The following FARS2 variants were observed in gnomAD, a reference collection of about 807,000 sequenced individuals.
FARS2 encodes phenylalanyl-tRNA synthetase 2, mitochondrial.
Under a neutral mutation model 46.4 loss-of-function variants are expected in FARS2, and 40 were observed. The ratio of observed to expected loss-of-function variants is 0.86; its 90% CI spans 0.67 to 1.12. The LOEUF (loss-of-function observed/expected upper bound fraction) is 1.12. Among genes scored for constraint, FARS2 ranks in the 50% most tolerant of loss-of-function variants. The pLI, the probability that FARS2 is intolerant of heterozygous loss-of-function variation, is 0.00. For missense variants in FARS2, 513 were observed against 567.9 expected (o/e 0.90, Z 0.98); for synonymous variants, 234 against 214.9 (o/e 1.09, Z -0.78).
intron 6 of FARS2, among the ~76,000 whole-genome samples, chr6:5,762,246 C>T (rs989682881): frequency 1.3e-5 from 2 of 152,192 alleles, no homozygotes; most frequent in Non-Finnish European, 2.9e-5. Context: ...TTTACCTATA[C>T]ATTTTTTTCA....
At chr6:5,725,108 C>T (rs568626571) in intron 6 of FARS2, among the ~76,000 whole-genome samples, 15 of 152,358 alleles carry the variant, frequency 9.8e-5, no homozygotes, top group Admixed American at 9.1e-4. Flanking sequence ...GACTTAAAAG[C>T]CGTGGGATTT....
intron 1 of FARS2, among the ~76,000 whole-genome samples, chr6:5,281,728 T>G (rs1766742616): frequency 6.6e-6 from 1 of 151,432 alleles, no homozygotes; most frequent in South Asian, 2.1e-4. Flanking sequence ...TAATGATATC[T>G]CTCTGTGTGT....
chr6:5,469,101 C>T (rs914252371), intron 4 of FARS2, among the ~76,000 whole-genome samples: 2 of 152,228 alleles, frequency 1.3e-5, no homozygotes, highest in Non-Finnish European at 2.9e-5. Context: ...GAATCCCTTA[C>T]ACAGATGTCT....
chr6:5,428,191 T>C (rs1762955231), intron 3 of FARS2, among the ~76,000 whole-genome samples: 1 of 152,214 alleles, frequency 6.6e-6, no homozygotes, highest in African/African-American at 2.4e-5. Flanking sequence ...TGCTTATTAA[T>C]GTCTTGAAAT....
chr6:5,660,100 G>A (rs1046882088), intron 6 of FARS2, among the ~76,000 whole-genome samples: 1 of 152,102 alleles, frequency 6.6e-6, no homozygotes. Flanking sequence ...CACCAATCTT[G>A]CACTCTCTGG....
At chr6:5,341,221 ATATATATATATATATTTTTTTTTT>A (rs1287443963) in intron 1 of FARS2, among the ~76,000 whole-genome samples, 1 of 4,986 alleles carries the variant, frequency 2.0e-4, no homozygotes, top group East Asian at 8.8e-3. Context: ...ATATATATAT[ATATATATATATATATTTTTTTTTT>A]TTTTTTTTTT....
At chr6:5,356,277 C>T (rs1008793221) in intron 1 of FARS2, among the ~76,000 whole-genome samples, 4 of 152,118 alleles carry the variant, frequency 2.6e-5, no homozygotes, top group Non-Finnish European at 4.4e-5. Context: ...GGTGAGACCT[C>T]ATCTCTACTA....
intron 1 of FARS2, among the ~76,000 whole-genome samples, chr6:5,300,221 T>C (rs1364962293): frequency 6.6e-6 from 1 of 152,154 alleles, no homozygotes; most frequent in East Asian, 1.9e-4. Context: ...GACAAGAACT[T>C]CTTACCTGCT....
intron 1 of FARS2, among the ~76,000 whole-genome samples, chr6:5,323,143 C>G (rs998074176): frequency 1.3e-5 from 2 of 152,072 alleles, no homozygotes; most frequent in African/African-American, 4.8e-5. Context: ...TTTGGAAGTA[C>G]TCATCATATA....
At chr6:5,379,920 G>A (rs1255966687) in intron 2 of FARS2, among the ~76,000 whole-genome samples, 1 of 152,204 alleles carries the variant, frequency 6.6e-6, no homozygotes, top group African/African-American at 2.4e-5. Flanking sequence ...TTTTCACAGA[G>A]CAGGCAATGA....
At chr6:5,479,749 T>C (rs576758470) in intron 4 of FARS2, among the ~76,000 whole-genome samples, 2 of 152,356 alleles carry the variant, frequency 1.3e-5, no homozygotes, top group South Asian at 4.1e-4. Flanking sequence ...CATTCTGGTT[T>C]GAATTATTTT....
intron 1 of FARS2, among the ~76,000 whole-genome samples, chr6:5,365,331 T>TTTC (rs1758589331): frequency 9.2e-6 from 1 of 108,788 alleles, no homozygotes; most frequent in South Asian, 3.2e-4. Context: ...TTTTTTTTTT[T>TTTC]TTTTTTTTTT....
chr6:5,542,862 T>C (rs1225295918), intron 4 of FARS2, among the ~76,000 whole-genome samples: 4 of 152,248 alleles, frequency 2.6e-5, no homozygotes, highest in Admixed American at 6.5e-5. Flanking sequence ...AGAAGTATGT[T>C]GTTTAATTTC....
chr6:5,535,754 G>A lies in FARS2; in HGVS notation c.905-9426G>A, dbSNP rs549138134. On this transcript the variant is annotated intron_variant, in intron 4 of 6. Transcript: ENST00000274680. ...TTATCATGAAAGGGTGTTGGACTTT[G>A]TCAGATGCATTCACTGTATCAATTG... 7.5e-4 allele frequency among the ~76,000 whole-genome samples: 114 copies of A among 152,304 alleles called. 1 individual carries two copies. Among genetic ancestry groups the A allele is most frequent in the Non-Finnish European group, 1.2e-3 (79 of 68,018 alleles).
intron 4 of FARS2, among the ~76,000 whole-genome samples, chr6:5,544,649 G>A (rs1163219922): frequency 6.6e-6 from 1 of 152,138 alleles, no homozygotes; most frequent in East Asian, 1.9e-4. Flanking sequence ...ATGCTGAAGT[G>A]GCTGTTGGTA....
chr6:5,616,236 C>G (rs953046711), intron 6 of FARS2, among the ~76,000 whole-genome samples: 1 of 152,082 alleles, frequency 6.6e-6, no homozygotes, highest in Non-Finnish European at 1.5e-5. Context: ...ATGGGGTAGT[C>G]TGGATCCCTG....
intron 1 of FARS2, among the ~76,000 whole-genome samples, chr6:5,300,835 C>A (rs561254323): frequency 6.6e-6 from 1 of 151,904 alleles, no homozygotes; most frequent in Non-Finnish European, 1.5e-5. Flanking sequence ...TTATACCTGG[C>A]TAATTTTTTT....
chr6:5,634,988 A>G (rs1299038175), intron 6 of FARS2, among the ~76,000 whole-genome samples: 1 of 152,240 alleles, frequency 6.6e-6, no homozygotes, highest in African/African-American at 2.4e-5. Flanking sequence ...TTTGTAGAGT[A>G]GTGGCTACAG....
At chr6:5,294,004 A>G (rs905208144) in intron 1 of FARS2, among the ~76,000 whole-genome samples, 1 of 152,240 alleles carries the variant, frequency 6.6e-6, no homozygotes, top group African/African-American at 2.4e-5. Context: ...ACACACATAC[A>G]CACACAGCAC....
Sources: allele counts gnomAD v4.1 joint callset (sites outside exome capture counted in the v4.1 genomes callset), GRCh38; gene constraint gnomAD v4.1.1; transcripts MANE v1.5; gene names NCBI Gene and HGNC (gene_info 2026-07-23, HGNC 2026-07-21).